Variants in LRP4 observed in about 807,000 individuals in gnomAD.
The protein encoded by LRP4 is LDL receptor related protein 4, also known as low-density lipoprotein receptor-related protein 4.
In LRP4, 95 loss-of-function variants were observed where a neutral mutation model predicts 220.3. The observed-to-expected ratio is 0.43, with a 90% confidence interval of 0.37 to 0.51. LRP4 has a LOEUF of 0.51. Among genes scored for constraint, LRP4 ranks in the 20% least tolerant of loss-of-function variants. The probability of loss-of-function intolerance (pLI) is 0.00; values close to 1 mark genes in which losing one functional copy is unlikely to be tolerated. For missense variants in LRP4, 1,925 were observed against 2,567.0 expected (o/e 0.75, Z 5.40); for synonymous variants, 903 against 954.6 (o/e 0.95, Z 1.00).
Position 46,886,306 on chromosome 11 carries a change from T to C in LRP4, c.2424+19A>G, listed in dbSNP as rs1410643707. 2.5e-6 allele frequency: 4 copies of C among 1,588,210 alleles called. No individual in the cohort carries two copies. The highest frequency in any genetic ancestry group is 2.3e-5 in the East Asian group (1 of 43,608). ...AGAGGGTGGATTCCACCCTTCAACC[T>C]CCCCACGCTGGGCCCTACCTCCTGT... On this transcript the variant is annotated intron_variant, in intron 17 of 37. Coordinates refer to ENST00000378623, the MANE Select transcript of LRP4 (RefSeq NM_002334.4).
intron 19 of LRP4, 93 bp from the exon 20 acceptor site, chr11:46,881,996 C>T (rs1312936363): frequency 1.6e-6 from 2 of 1,239,526 alleles, no homozygotes; most frequent in African/African-American, 3.0e-5. Flanking sequence ...CTGCCTGAAG[C>T]AGATCCTCAT....
chr11:46,881,884 A>G lies in LRP4; in HGVS notation c.2632T>C (p.Trp878Arg). 6.2e-7 allele frequency: 1 copy of G among 1,614,234 alleles called. No homozygotes were observed. Among genetic ancestry groups the G allele is most frequent in the Non-Finnish European group, 8.5e-7 (1 of 1,180,042 alleles). Residue 878 changes from tryptophan to arginine, a missense_variant, in exon 20 of 38, where the codon TGG (tryptophan) becomes CGG (arginine). By Grantham distance (101) the Trp-to-Arg change is moderately radical (BLOSUM62 -3). Around this residue, in one of 3 missense-constraint regions of LRP4, gnomAD observed 1,244 missense variants for 1,624.9 expected, o/e 0.77. Coordinates refer to ENST00000378623, the MANE Select transcript of LRP4 (RefSeq NM_002334.4). ...PMGGYMYWTD[W>R]GASPKIERAG... ...CGTTCAATCTTGGGGCTCGCACCCC[A>G]GTCAGTCCAATACATGTACCTGGGC...
intron 15 of LRP4, 78 bp from the exon 16 acceptor site, chr11:46,889,611 G>A (rs572916478): frequency 1.8e-4 from 291 of 1,585,296 alleles, no homozygotes; most frequent in Non-Finnish European, 2.4e-4. Flanking sequence ...AGGGGTTTAG[G>A]TAGGGTGATA....
At position 46,875,468 on chromosome 11, in the gene LRP4, C is replaced by A; in HGVS notation, c.3913G>T (p.Ala1305Ser). The stretch of plus-strand genomic sequence containing the variant: ...CTCTGACTCTCACCTAGTGGCTGTG[C>A]CCGGTCCACAGCCTGCATGTCCATG... ...GLMDMQAVDR[A>S]QPLGFNKCGS... Residue 1305 changes from alanine to serine, a missense_variant, in exon 27 of 38, where the codon GCA becomes TCA. This residue lies in a region of LRP4 where 1,244 missense variants were observed against 1,624.9 expected (regional missense o/e 0.77). Coordinates refer to ENST00000378623, the MANE Select transcript of LRP4 (RefSeq NM_002334.4). This position sits in a 1 kb window ranked among gnomAD's most constrained non-coding sequence, Gnocchi z 4.5. 1 of 1,613,660 alleles carries A rather than the reference C, an allele frequency of 6.2e-7. No homozygotes were observed. The highest frequency in any genetic ancestry group is 8.5e-7 in the Non-Finnish European group (1 of 1,179,754).
intron 20 of LRP4, 92 bp downstream of exon 20, chr11:46,881,610 C>G (rs1941161522): frequency 4.0e-6 from 5 of 1,251,480 alleles, no homozygotes; most frequent in Non-Finnish European, 5.9e-6. Context: ...CTCCAATCAG[C>G]TGCCAGCCAA....
rs191907791 is a variant in LRP4 at position 46,876,097 on chromosome 11, G to A, written c.3537-131C>T. 680 of 971,696 alleles carry A rather than the reference G, an allele frequency of 7.0e-4. 5 individuals are homozygous for A. The African/African-American group carries it at 9.2e-3, about 13-fold the overall frequency. The allele number at this position is 971,696 out of a possible 1,614,324, so 60.2% of individuals were successfully genotyped here. On this transcript the variant is annotated intron_variant, in intron 25 of 37. Transcript: ENST00000378623. ...TCAGGCAAAATTTTTGCTTGACAAA[G>A]TACTTTGCAAAATACTTCATGTGCA... is the stretch of plus-strand genomic sequence containing the variant.
At chr11:46,868,395 G>T (rs1234505341) in intron 33 of LRP4, among the ~76,000 whole-genome samples, 2 of 152,230 alleles carry the variant, frequency 1.3e-5, no homozygotes, top group Non-Finnish European at 2.9e-5. Context: ...CCTGAATTCT[G>T]TTCCTGCAAA....
chr11:46,888,737 G>A (rs1390430184), intron 16 of LRP4, among the ~76,000 whole-genome samples: 1 of 152,160 alleles, frequency 6.6e-6, no homozygotes, highest in Non-Finnish European at 1.5e-5. Flanking sequence ...GTACACAGCA[G>A]TAAACAAGAA....
At chr11:46,909,309 G>A (rs184543622) in intron 1 of LRP4, among the ~76,000 whole-genome samples, 118 of 151,636 alleles carry the variant, frequency 7.8e-4, no homozygotes, top group Admixed American at 5.3e-4. Flanking sequence ...GGATTACAAT[G>A]AGAAAAGGAG....
chr11:46,908,410 C>T (rs866765857), intron 1 of LRP4, among the ~76,000 whole-genome samples: 1 of 152,090 alleles, frequency 6.6e-6, no homozygotes, highest in East Asian at 1.9e-4. Context: ...ATTACTTTTG[C>T]GCCAACCTAA....
Position 46,876,637 on chromosome 11 carries a change from C to G in LRP4, c.3365G>C (p.Gly1122Ala), listed in dbSNP as rs766854343. Reference protein sequence around the residue: ...GSQHEDIITTGLQTTDGLAVD... With the variant: ...GSQHEDIITTALQTTDGLAVD... ...CGCGAGCCCATCTGTGGTCTGTAGC[C>G]CTGTGGGAAGTCAAAAGAGCACACT... The change falls in exon 25 of 38, where the codon GGG becomes GCG. Residue 1122 changes from glycine to alanine, a missense_variant and splice_region_variant. Around this residue, in one of 3 missense-constraint regions of LRP4, gnomAD observed 1,244 missense variants for 1,624.9 expected, o/e 0.77. Coordinates refer to ENST00000378623, the MANE Select transcript of LRP4 (RefSeq NM_002334.4). 6.2e-7 allele frequency: 1 copy of G among 1,614,140 alleles called. No homozygotes were observed. The highest frequency in any genetic ancestry group is 1.1e-5 in the South Asian group (1 of 91,082).
In LRP4 at chr11:46,875,714, T is replaced by C. The variant is rs1417774978; in HGVS notation, c.3700-33A>G. The C allele has an allele frequency of 6.2e-7, 1 of 1,612,592 alleles. No individual in the cohort carries two copies. Among genetic ancestry groups the C allele is most frequent in the Admixed American group, 1.7e-5 (1 of 59,984 alleles). On this transcript the variant is annotated intron_variant, in intron 26 of 37. Coordinates refer to ENST00000378623, the MANE Select transcript of LRP4 (RefSeq NM_002334.4). The surrounding 1 kb of genome is among the most constrained non-coding windows in gnomAD (Gnocchi z 4.5). The stretch of plus-strand genomic sequence containing the variant: ...GGAAGGAGAGGGTGGGGGGTGGTGA[T>C]CAGCAGATTGGGAACTCTCCATGGA...
chr11:46,860,246 G>A (rs892696383), intron 37 of LRP4, among the ~76,000 whole-genome samples: 3 of 147,320 alleles, frequency 2.0e-5, no homozygotes, highest in Non-Finnish European at 3.0e-5. Context: ...AAAAAAAAAA[G>A]AAAGAAAGAA....
In LRP4 at chr11:46,895,227, G is replaced by C; in HGVS notation, c.1248C>G (p.Phe416Leu). The change falls in exon 11 of 38, where the codon TTC (phenylalanine) becomes TTG (leucine). Residue 416 changes from phenylalanine to leucine, a missense_variant. Transcript: ENST00000378623. ...CATAGCCTGTTTCACACCAGCATTG[G>C]AAAGCCCCTTCGCTGTTGGTGCAGC... ...SQGCTNSEGA[F>L]QCWCETGYEL... 1 of 1,614,078 alleles carries C rather than the reference G, an allele frequency of 6.2e-7. No individual in the cohort carries two copies. The highest frequency in any genetic ancestry group is 8.5e-7 in the Non-Finnish European group (1 of 1,180,026).
In LRP4 at chr11:46,857,565, T is replaced by A. The variant is rs1940411886; in HGVS notation, c.*1418A>T. ...ACCCACCTCTTTGTATTTTTATTTA[T>A]TCAGCCCTCCCACCACAGGACTTTG... On this transcript the variant is annotated 3_prime_UTR_variant, in exon 38 of 38. Transcript: ENST00000378623. 6.6e-6 allele frequency: 1 copy of A among 152,168 alleles called. No individual in the cohort carries two copies. Among genetic ancestry groups the A allele is most frequent in the Non-Finnish European group, 1.5e-5 (1 of 68,056 alleles). The allele number at this position is 152,168 out of a possible 1,614,324, so 9.4% of individuals were successfully genotyped here.
At chr11:46,862,521 G>A (rs1940585296) in intron 37 of LRP4, 85 bp downstream of exon 37, 11 of 1,334,920 alleles carry the variant, frequency 8.2e-6, no homozygotes, top group South Asian at 2.4e-5. Flanking sequence ...CTCAGCAGCC[G>A]TTACTGACTT....
Position 46,899,951 on chromosome 11 carries a change from C to G in LRP4, c.342G>C (p.Glu114Asp). ...TGCAGTAGCCATTCTGGCAGGGAAA[C>G]TCGTCCTCCTCACACTCCCGGGGGG... ...DCPPRECEEDEFPCQNGYCIR... is the reference protein window; with the variant it reads ...DCPPRECEEDDFPCQNGYCIR... Residue 114 changes from glutamate to aspartate, a missense_variant, in exon 4 of 38, where the codon GAG becomes GAC. Transcript: ENST00000378623. This position sits in a 1 kb window ranked among gnomAD's most constrained non-coding sequence, Gnocchi z 5.9. The G allele has an allele frequency of 6.2e-7, 1 of 1,613,818 alleles. No individual in the cohort carries two copies. The highest frequency in any genetic ancestry group is 1.3e-5 in the African/African-American group (1 of 75,070).
In LRP4 at chr11:46,911,492, GTCTC is replaced by G. The variant is rs571977973; in HGVS notation, c.52+6832_52+6835del. On this transcript the variant is annotated intron_variant, in intron 1 of 37. Coordinates refer to ENST00000378623, the MANE Select transcript of LRP4 (RefSeq NM_002334.4). ...CACATTTTTCTGGAAACCTTTTAAA[GTCTC>G]TCTCTTCTCCTGAGCCCATGAGTTC... 6.0e-5 allele frequency among the ~76,000 whole-genome samples: 9 copies of G among 150,954 alleles called. No individual in the cohort carries two copies. In the South Asian group the frequency reaches 1.5e-3, roughly 25 times the overall value.
chr11:46,910,678 C>T (rs1273464719), intron 1 of LRP4, among the ~76,000 whole-genome samples: 2 of 8,418 alleles, frequency 2.4e-4, no homozygotes. Flanking sequence ...TATCCTTGCC[C>T]CCTTTTTTTT....
Sources: gnomAD v4.1 joint callset for allele counts (sites outside exome capture counted in the v4.1 genomes callset) on GRCh38, gnomAD v4.1.1 for gene constraint, gnomAD v4.1.1 regional missense constraint, Gnocchi (gnomAD v3.1) non-coding constraint, MANE v1.5 for transcripts, NCBI Gene and HGNC (gene_info 2026-07-23, HGNC 2026-07-21) for gene names.